Variants in MUSK observed in about 807,000 individuals in gnomAD.
The protein encoded by MUSK is muscle associated receptor tyrosine kinase.
MUSK carries 55 observed loss-of-function variants against 88.7 expected under a neutral mutation model. The ratio of observed to expected loss-of-function variants is 0.62; its 90% CI spans 0.50 to 0.78. The LOEUF (loss-of-function observed/expected upper bound fraction) is 0.78, where lower values mean the gene tolerates loss of function less well. MUSK is among the 30% of genes least tolerant of loss of function. The pLI is 0.00. For synonymous variants in MUSK, 387 were observed against 391.9 expected (o/e 0.99, Z 0.15); for missense variants, 1,015 against 1,074.3 (o/e 0.94, Z 0.77).
intron 6 of MUSK, among the ~76,000 whole-genome samples, chr9:110,745,418 T>C (rs1278570077): frequency 6.6e-6 from 1 of 152,198 alleles, no homozygotes; most frequent in Admixed American, 6.5e-5. Context: ...TCCAAAGGAT[T>C]TTGCAAACTG....
intron 13 of MUSK, among the ~76,000 whole-genome samples, chr9:110,786,236 G>A (rs559705847): frequency 1.4e-4 from 21 of 149,254 alleles, no homozygotes; most frequent in Admixed American, 1.0e-3. Context: ...GCTTGAAGCC[G>A]GAAGACAGAG....
chr9:110,785,739 A>C (rs1328913574), intron 13 of MUSK, 21 bp downstream of exon 13: 1 of 1,574,524 alleles, frequency 6.4e-7, no homozygotes, highest in Non-Finnish European at 8.6e-7. Context: ...CTATGGAAAA[A>C]AAAACTCCAT....
intron 1 of MUSK, among the ~76,000 whole-genome samples, chr9:110,677,645 A>T (rs117649083): frequency 0.017 from 2,593 of 152,152 alleles, 38 homozygotes; most frequent in Middle Eastern, 0.048. Context: ...TCTGCCTGGA[A>T]CACTCTTCTC....
intron 7 of MUSK, among the ~76,000 whole-genome samples, chr9:110,753,622 G>T (rs2077275926): frequency 6.6e-6 from 1 of 152,044 alleles, no homozygotes; most frequent in Admixed American, 6.6e-5. Context: ...TCTAATGTAA[G>T]CCGCTCCCCA....
intron 3 of MUSK, among the ~76,000 whole-genome samples, chr9:110,690,455 T>TAC (rs1271110599): frequency 4.5e-5 from 5 of 111,214 alleles, no homozygotes; most frequent in Non-Finnish European, 8.4e-5. Context: ...TATATAAATA[T>TAC]ATATTTAAAT....
intron 7 of MUSK, among the ~76,000 whole-genome samples, chr9:110,749,006 A>G (rs1178806570): frequency 3.3e-5 from 5 of 152,216 alleles, no homozygotes; most frequent in Admixed American, 2.0e-4. Context: ...TTCTAAAAGT[A>G]AATTCAACTC....
Position 110,695,427 on chromosome 9 carries a change from TA to T in MUSK, c.386del (p.Asn129MetfsTer2). 6.5e-7 allele frequency: 1 copy of T among 1,528,114 alleles called. No homozygotes were observed. Among genetic ancestry groups the T allele is most frequent in the Non-Finnish European group, 8.9e-7 (1 of 1,125,376 alleles). 94.7% of individuals were successfully genotyped at this position (1,528,114 alleles called of 1,614,324 possible). On this transcript the variant is annotated frameshift_variant, in exon 4 of 15. Transcript: ENST00000374448. LOFTEE classifies it high-confidence loss of function. ...GAACCTAAAATAACTCGTCCTCCCA[TA>T]AATGTGAAAATAATAGAGGGATTAA... ...KMKPKITRPP[I>X]NVKIIEGLKA...
Position 110,802,309 on chromosome 9 carries a change from C to T in MUSK, c.*1321C>T, listed in dbSNP as rs2078107746. Among the ~76,000 whole-genome samples the T allele has an allele frequency of 6.6e-6, 1 of 152,048 alleles. No homozygotes were observed. Among genetic ancestry groups the T allele is most frequent in the South Asian group, 2.1e-4 (1 of 4,820 alleles). On this transcript the variant is annotated 3_prime_UTR_variant, in exon 15 of 15. Transcript: ENST00000374448. ...GGATCCTCACACAATACATCTTTAT[C>T]TAAGTCCATACATGATCTGAGTTTA...
intron 6 of MUSK, among the ~76,000 whole-genome samples, chr9:110,743,418 G>A (rs1408337361): frequency 6.6e-6 from 1 of 152,120 alleles, no homozygotes; most frequent in Admixed American, 6.5e-5. Context: ...AAAGAGCAGA[G>A]CTTACTTTTT....
intron 7 of MUSK, 63 bp downstream of exon 7, chr9:110,747,863 T>C: frequency 3.9e-6 from 6 of 1,554,970 alleles, no homozygotes; most frequent in Non-Finnish European, 5.3e-6. Context: ...TATTCTACAA[T>C]ATCGAGCATT....
At chr9:110,797,253 T>C (rs1216510094) in intron 14 of MUSK, among the ~76,000 whole-genome samples, 3 of 125,886 alleles carry the variant, frequency 2.4e-5, no homozygotes, top group African/African-American at 9.0e-5. Context: ...TTGTAATGCA[T>C]AGGAAAAATA....
At chr9:110,722,457 G>GA (rs1474978752) in intron 5 of MUSK, among the ~76,000 whole-genome samples, 3 of 151,984 alleles carry the variant, frequency 2.0e-5, no homozygotes, top group African/African-American at 7.2e-5. Context: ...TTGAAACTGG[G>GA]AGGTGGAGGT....
At chr9:110,781,328 G>A (rs931781576) in intron 11 of MUSK, among the ~76,000 whole-genome samples, 3 of 152,126 alleles carry the variant, frequency 2.0e-5, no homozygotes, top group Non-Finnish European at 4.4e-5. Flanking sequence ...CCAGGCTGGA[G>A]TGCAGTGGCA....
intron 7 of MUSK, among the ~76,000 whole-genome samples, chr9:110,754,966 A>T (rs919245080): frequency 2.2e-4 from 33 of 152,268 alleles, no homozygotes; most frequent in Admixed American, 5.9e-4. Context: ...CATCATTGGC[A>T]TCACCTCTTA....
chr9:110,782,798 C>T (rs974691526), intron 11 of MUSK, among the ~76,000 whole-genome samples: 1 of 152,154 alleles, frequency 6.6e-6, no homozygotes, highest in Non-Finnish European at 1.5e-5. Flanking sequence ...CAGAGAGGAA[C>T]CTGGTCAGTC....
At chr9:110,751,294 A>G (rs1435627545) in intron 7 of MUSK, among the ~76,000 whole-genome samples, 1 of 152,178 alleles carries the variant, frequency 6.6e-6, no homozygotes, top group African/African-American at 2.4e-5. Context: ...AAAAAACGGC[A>G]TCTTCCAGTG....
intron 5 of MUSK, among the ~76,000 whole-genome samples, chr9:110,725,029 G>A (rs574291092): frequency 1.3e-5 from 2 of 152,040 alleles, no homozygotes; most frequent in African/African-American, 4.8e-5. Context: ...ATGCACTTAT[G>A]TACACATATA....
At chr9:110,705,558 A>C (rs1047129692) in intron 5 of MUSK, among the ~76,000 whole-genome samples, 2 of 152,236 alleles carry the variant, frequency 1.3e-5, no homozygotes, top group Non-Finnish European at 2.9e-5. Flanking sequence ...AGTCTGGAAT[A>C]GTTTGCAGGA....
chr9:110,800,319 C>T lies in MUSK; in HGVS notation c.1941C>T (p.Val647=), dbSNP rs200312379. The T allele has an allele frequency of 1.9e-4, 306 of 1,607,662 alleles. No homozygotes were observed. In the African/African-American group the frequency reaches 3.7e-3, roughly 19 times the overall value. Residue 647 remains valine, a synonymous_variant, in exon 15 of 15, where the codon GTC becomes GTT. Transcript: ENST00000374448. ...TTTTGGTTCCAGGAGTGTGTGCTGT[C>T]GGGAAGCCAATGTGCCTGCTCTTTG... is the stretch of plus-strand genomic sequence containing the variant. ...NIVKLLGVCA[V]GKPMCLLFEY...
Sources: gnomAD v4.1 joint callset for allele counts (sites outside exome capture counted in the v4.1 genomes callset) on GRCh38, gnomAD v4.1.1 for gene constraint, MANE v1.5 for transcripts, NCBI Gene and HGNC (gene_info 2026-07-23, HGNC 2026-07-21) for gene names.